The following ABCA4 variants were observed in gnomAD, a reference collection of about 807,000 sequenced individuals.
The protein encoded by ABCA4 is ATP binding cassette subfamily A member 4.
A neutral mutation model predicts 263.7 loss-of-function variants in ABCA4; 196 were observed. That is an observed-to-expected ratio of 0.74 (90% CI 0.66 to 0.84). The LOEUF is 0.84. Among genes scored for constraint, ABCA4 ranks in the 40% least tolerant of loss-of-function variants. The pLI is 0.00. For synonymous variants in ABCA4, 1,133 were observed against 1,094.2 expected (o/e 1.04, Z -0.70); for missense variants, 2,792 against 2,855.1 (o/e 0.98, Z 0.50).
At chr1:94,042,919 GGA>G in intron 21 of ABCA4, 21 bp from the exon 22 acceptor site, 4 of 1,614,152 alleles carry the variant, frequency 2.5e-6, no homozygotes, top group Non-Finnish European at 1.7e-6. Flanking sequence ...AAGAAGGACG[GGA>G]GAGTTAAGGG....
At chr1:94,101,075 A>G (rs1467836384) in intron 5 of ABCA4, among the ~76,000 whole-genome samples, 1 of 152,260 alleles carries the variant, frequency 6.6e-6, no homozygotes, top group Non-Finnish European at 1.5e-5. Flanking sequence ...GCAACATGAA[A>G]TAAAGGCACA....
intron 17 of ABCA4, among the ~76,000 whole-genome samples, chr1:94,050,077 C>T (rs1489040217): frequency 6.6e-6 from 1 of 152,186 alleles, no homozygotes; most frequent in Non-Finnish European, 1.5e-5. Flanking sequence ...GTCCCCCACC[C>T]TCTGAAAATG....
chr1:94,022,814 A>G (rs180898639), intron 32 of ABCA4, among the ~76,000 whole-genome samples: 47 of 152,258 alleles, frequency 3.1e-4, no homozygotes, highest in South Asian at 2.7e-3. Context: ...CAATCCTGAA[A>G]GCCAGATTTC....
chr1:94,095,846 G>A (rs1484973984), intron 6 of ABCA4, among the ~76,000 whole-genome samples: 2 of 147,738 alleles, frequency 1.4e-5, no homozygotes, highest in African/African-American at 5.0e-5. Flanking sequence ...GATGTGTCCT[G>A]CTTCGGTTGG....
intron 11 of ABCA4, among the ~76,000 whole-genome samples, chr1:94,066,870 G>T (rs1484246610): frequency 6.6e-6 from 1 of 152,224 alleles, no homozygotes; most frequent in African/African-American, 2.4e-5. Flanking sequence ...TGGCAGGCAG[G>T]AGCCACAAAT....
At chr1:94,005,344 G>T in intron 44 of ABCA4, 97 bp downstream of exon 44, 4 of 1,462,298 alleles carry the variant, frequency 2.7e-6, no homozygotes, top group Non-Finnish European at 2.9e-6. Flanking sequence ...TGAATGAATA[G>T]CACGCTTCAG....
chr1:94,104,459 T>C (rs1662368275), intron 4 of ABCA4, among the ~76,000 whole-genome samples: 1 of 152,212 alleles, frequency 6.6e-6, no homozygotes, highest in Non-Finnish European at 1.5e-5. Context: ...CCAAGAGGCC[T>C]GCCCCTGTGT....
At chr1:94,070,924 A>G (rs1661382883) in intron 11 of ABCA4, among the ~76,000 whole-genome samples, 1 of 152,184 alleles carries the variant, frequency 6.6e-6, no homozygotes, top group African/African-American at 2.4e-5. Flanking sequence ...TTTTAGAAAG[A>G]TCTTGCTGGA....
chr1:94,093,534 A>T (rs1018932157), intron 6 of ABCA4, among the ~76,000 whole-genome samples: 1 of 152,226 alleles, frequency 6.6e-6, no homozygotes, highest in Non-Finnish European at 1.5e-5. Context: ...GTATTTACTG[A>T]ACAAAGGCCA....
rs113514871 is a variant in ABCA4 at position 94,121,139 on chromosome 1, C to G, written c.-94G>C. On this transcript the variant is annotated 5_prime_UTR_variant, in exon 1 of 50. Transcript: ENST00000370225. Reference sequence around the variant, plus strand: ...CGTTAAGAGCGCCTCTGGCTCCGGACGCTGTGTCCTTCTCCTGGTGATTAA... The same window carrying G: ...CGTTAAGAGCGCCTCTGGCTCCGGAGGCTGTGTCCTTCTCCTGGTGATTAA... The G allele has an allele frequency of 1.8e-6, 2 of 1,104,000 alleles. No homozygotes were observed. Among genetic ancestry groups the G allele is most frequent in the East Asian group, 2.4e-5 (1 of 42,532 alleles). 68.4% of individuals were successfully genotyped at this position (1,104,000 alleles called of 1,614,324 possible). A position where few individuals can be genotyped will look rare whatever the true frequency, so the allele number is the denominator to read the frequency against.
At chr1:94,088,402 C>T (rs1661888038) in intron 6 of ABCA4, among the ~76,000 whole-genome samples, 1 of 152,206 alleles carries the variant, frequency 6.6e-6, no homozygotes, top group African/African-American at 2.4e-5. Context: ...TTTCCTTTAT[C>T]ATTTAATCTG....
chr1:94,079,591 A>G, intron 8 of ABCA4, 130 bp from the exon 9 acceptor site: 1 of 1,349,974 alleles, frequency 7.4e-7, no homozygotes, highest in Non-Finnish European at 1.0e-6. Context: ...AACCTAAATT[A>G]ATAGGCTGTA....
chr1:94,046,460 A>G (rs1660682852), intron 19 of ABCA4, among the ~76,000 whole-genome samples: 2 of 49,448 alleles, frequency 4.0e-5, no homozygotes, highest in African/African-American at 9.6e-5. Context: ...TATCTCAAAA[A>G]AAAAAAAAAA....
At chr1:94,054,341 A>G (rs906216854) in intron 16 of ABCA4, among the ~76,000 whole-genome samples, 1 of 152,236 alleles carries the variant, frequency 6.6e-6, no homozygotes, top group Admixed American at 6.5e-5. Context: ...ACATCATTGT[A>G]TCAGATGGTG....
At chr1:94,039,743 T>A (rs958284594) in intron 24 of ABCA4, among the ~76,000 whole-genome samples, 9 of 152,200 alleles carry the variant, frequency 5.9e-5, no homozygotes, top group Non-Finnish European at 8.8e-5. Flanking sequence ...CACTAAGGAA[T>A]GTGGCCTGGA....
intron 1 of ABCA4, among the ~76,000 whole-genome samples, chr1:94,117,027 C>CTTTCT (rs1557812458): frequency 3.4e-3 from 155 of 45,316 alleles, no homozygotes; most frequent in East Asian, 7.3e-3. Context: ...TCTTTCTTTC[C>CTTTCT]TTTTCTTTCT....
intron 5 of ABCA4, among the ~76,000 whole-genome samples, chr1:94,101,588 T>C (rs1662287837): frequency 6.6e-6 from 1 of 152,216 alleles, no homozygotes; most frequent in African/African-American, 2.4e-5. Flanking sequence ...CTCACTCCTC[T>C]GGACTCAGAC....
chr1:94,024,325 T>A (rs144965864), intron 31 of ABCA4, among the ~76,000 whole-genome samples: 82 of 152,252 alleles, frequency 5.4e-4, no homozygotes, highest in Non-Finnish European at 1.0e-3. Context: ...CCAAAGCTGT[T>A]CCATCCTGGA....
chr1:94,108,798 T>A (rs75438722), intron 3 of ABCA4, 82 bp from the exon 4 acceptor site: 26 of 1,441,910 alleles, frequency 1.8e-5, no homozygotes, highest in South Asian at 2.4e-5. Context: ...TTTTTTTTTT[T>A]ATCTCGCTCT....
Sources: allele counts gnomAD v4.1 joint callset (sites outside exome capture counted in the v4.1 genomes callset), GRCh38; gene constraint gnomAD v4.1.1; transcripts MANE v1.5; gene names NCBI Gene and HGNC (gene_info 2026-07-23, HGNC 2026-07-21).